The following COL6A5 variants were observed in gnomAD, a reference collection of about 807,000 sequenced individuals.
COL6A5 encodes collagen type VI alpha 5 chain, also known as collagen alpha-5(VI) chain.
Under a neutral mutation model 65.6 loss-of-function variants are expected in COL6A5, and 48 were observed. The ratio of observed to expected loss-of-function variants is 0.73; its 90% CI spans 0.58 to 0.93. The LOEUF (loss-of-function observed/expected upper bound fraction) is 0.93, where lower values mean the gene tolerates loss of function less well. Among genes scored for constraint, COL6A5 ranks in the 40% least tolerant of loss-of-function variants. The probability of loss-of-function intolerance (pLI) is 0.00; values close to 1 mark genes in which losing one functional copy is unlikely to be tolerated. For missense variants in COL6A5, 914 were observed against 928.3 expected (o/e 0.98, Z 0.20); for synonymous variants, 291 against 322.8 (o/e 0.90, Z 1.05).
At chr3:130,467,649 A>G (rs920038127) in intron 5 of COL6A5, among the ~76,000 whole-genome samples, 34 of 152,118 alleles carry the variant, frequency 2.2e-4, no homozygotes, top group African/African-American at 7.5e-4. Context: ...TTTAACCATC[A>G]AAAATTATCT....
chr3:130,401,742 C>T lies in COL6A5; in HGVS notation c.4135-20C>T. 6.6e-7 allele frequency: 1 copy of T among 1,526,406 alleles called. No individual in the cohort carries two copies. The highest frequency in any genetic ancestry group is 8.9e-7 in the Non-Finnish European group (1 of 1,124,046). 94.6% of individuals were successfully genotyped at this position (1,526,406 alleles called of 1,614,324 possible). ...TTTCTGACAATTGCTATTCCCTCAGCTTTACTTTTTTTCCCCCAGGGAAAT... is the reference window on the plus strand; with the variant it reads ...TTTCTGACAATTGCTATTCCCTCAGTTTTACTTTTTTTCCCCCAGGGAAAT... On this transcript the variant is annotated intron_variant and NMD_transcript_variant, in intron 11 of 41. Coordinates refer to the COL6A5 transcript ENST00000312481.
intron 1 of COL6A5, among the ~76,000 whole-genome samples, chr3:130,364,004 G>A (rs1024087417): frequency 1.3e-5 from 2 of 152,094 alleles, no homozygotes; most frequent in Admixed American, 6.5e-5. Flanking sequence ...TTTTTCACTT[G>A]TTTTTAGGAT....
chr3:130,377,491 C>T (rs1270356964), intron 3 of COL6A5, among the ~76,000 whole-genome samples: 5 of 152,198 alleles, frequency 3.3e-5, no homozygotes, highest in African/African-American at 1.2e-4. Flanking sequence ...TAGAATGAGA[C>T]ACTATTAGTA....
intron 1 of COL6A5, among the ~76,000 whole-genome samples, chr3:130,362,911 T>G (rs1449777115): frequency 6.6e-6 from 1 of 152,206 alleles, no homozygotes; most frequent in Non-Finnish European, 1.5e-5. Context: ...TAATCTACAT[T>G]TATCTATATT....
intron 23 of COL6A5, among the ~76,000 whole-genome samples, chr3:130,416,536 G>A (rs1937342532): frequency 6.6e-6 from 1 of 152,104 alleles, no homozygotes; most frequent in African/African-American, 2.4e-5. Context: ...GACTAGTGAT[G>A]TCCCTGCAGA....
intron 7 of COL6A5, among the ~76,000 whole-genome samples, chr3:130,474,851 A>G (rs1205126156): frequency 6.7e-6 from 1 of 149,930 alleles, no homozygotes; most frequent in Non-Finnish European, 1.5e-5. Context: ...CAACAACAAC[A>G]AATTAGTTGG....
chr3:130,363,655 C>A (rs1415622514), intron 1 of COL6A5, among the ~76,000 whole-genome samples: 1 of 152,136 alleles, frequency 6.6e-6, no homozygotes, highest in African/African-American at 2.4e-5. Flanking sequence ...TTCCCCTCAC[C>A]CTGCTGAATA....
At chr3:130,396,719 A>G (rs1936613754) in intron 8 of COL6A5, among the ~76,000 whole-genome samples, 1 of 152,208 alleles carries the variant, frequency 6.6e-6, no homozygotes, top group Non-Finnish European at 1.5e-5. Context: ...AGACCCAGAA[A>G]TGGGTCATTG....
chr3:130,465,277 T>G (rs1709789192), intron 5 of COL6A5, among the ~76,000 whole-genome samples: 1 of 151,950 alleles, frequency 6.6e-6, no homozygotes, highest in Non-Finnish European at 1.5e-5. Flanking sequence ...GAGGGATAAC[T>G]GTACAGAGAG....
At chr3:130,354,128 AAAG>A (rs1437616825) in intron 1 of COL6A5, among the ~76,000 whole-genome samples, 7 of 151,900 alleles carry the variant, frequency 4.6e-5, no homozygotes, top group African/African-American at 1.7e-4. Context: ...GGAAGGAAGG[AAAG>A]AAGGAAGGAA....
At chr3:130,416,925 T>C in intron 24 of COL6A5, 106 bp downstream of exon 24, 1 of 701,306 alleles carries the variant, frequency 1.4e-6, no homozygotes, top group Admixed American at 3.1e-5. Context: ...ATTTTCTTTT[T>C]TTAAATTCTA....
chr3:130,428,634 G>A (rs909064833), upstream of COL6A5, among the ~76,000 whole-genome samples: 6 of 152,178 alleles, frequency 3.9e-5, no homozygotes, highest in Non-Finnish European at 8.8e-5. Context: ...ACCTGTGCTT[G>A]TAGCCTTGCA....
intron 4 of COL6A5, among the ~76,000 whole-genome samples, chr3:130,455,217 C>T (rs1329699106): frequency 6.6e-6 from 1 of 151,020 alleles, no homozygotes; most frequent in Non-Finnish European, 1.5e-5. Flanking sequence ...CAAAGTAGTA[C>T]TTAATAGGCT....
At chr3:130,378,247 T>G (rs1470742932) in intron 3 of COL6A5, among the ~76,000 whole-genome samples, 1 of 152,118 alleles carries the variant, frequency 6.6e-6, no homozygotes, top group East Asian at 1.9e-4. Context: ...AAATCCCCCC[T>G]GTAACTTGTT....
At position 130,436,724 on chromosome 3, in the gene COL6A5, T is replaced by G. The variant is rs182565543; in HGVS notation, c.488-2798T>G. ...TGACTTTTAGTATACCTCATCTTCC[T>G]GGTTTTTCTCTTACCTCATTAATTG... On this transcript the variant is annotated intron_variant, in intron 1 of 7. Transcript: ENST00000512836. 1.5e-3 allele frequency among the ~76,000 whole-genome samples: 223 copies of G among 152,298 alleles called. 2 individuals are homozygous for G. Among genetic ancestry groups the G allele is most frequent in the Non-Finnish European group, 1.2e-4 (8 of 68,020 alleles).
rs377458793 is a variant in COL6A5 at position 130,467,476 on chromosome 3, GACGAAGACATT to G, written c.1545-1316_1545-1306del. Among the ~76,000 whole-genome samples, 338 of 152,100 alleles carry G rather than the reference GACGAAGACATT, an allele frequency of 2.2e-3. 2 individuals are homozygous for G. The highest frequency in any genetic ancestry group is 7.9e-3 in the African/African-American group (327 of 41,532). On this transcript the variant is annotated intron_variant, in intron 5 of 7. Coordinates refer to ENST00000512836, the Ensembl canonical transcript of COL6A5. ...CCAGATTACCCTGATACCAAAACTA[GACGAAGACATT>G]ACATGAAAGGGAAACTACTGACCAA...
chr3:130,406,460 G>A (rs2107669779), intron 17 of COL6A5, 139 bp downstream of exon 17: 1 of 674,352 alleles, frequency 1.5e-6, no homozygotes, highest in South Asian at 1.9e-5. Flanking sequence ...GCTACTGAAT[G>A]TATGCTGCAT....
intron 18 of COL6A5, 97 bp downstream of exon 18, chr3:130,409,485 T>C: frequency 9.3e-7 from 1 of 1,073,158 alleles, no homozygotes; most frequent in South Asian, 1.7e-5. Flanking sequence ...TGTAGGCAAA[T>C]GGTTGTCTTA....
chr3:130,380,405 A>G lies in COL6A5; in HGVS notation c.1300+355A>G, dbSNP rs193098767. 1.7e-4 allele frequency among the ~76,000 whole-genome samples: 26 copies of G among 152,176 alleles called. No homozygotes were observed. In the Middle Eastern group the frequency reaches 0.014, roughly 80 times the overall value. On this transcript the variant is annotated intron_variant and NMD_transcript_variant, in intron 4 of 41. Coordinates refer to the COL6A5 transcript ENST00000312481. ...ATTAATACTTTTTTCTGTTGTCTTT[A>G]GTCTTTTCTGTCCCTCTCTCTTTCT...
Sources: gnomAD v4.1 joint callset for allele counts (sites outside exome capture counted in the v4.1 genomes callset) on GRCh38, gnomAD v4.1.1 for gene constraint, MANE v1.5 for transcripts, NCBI Gene and HGNC (gene_info 2026-07-23, HGNC 2026-07-21) for gene names.